CDIP1: variants seen among roughly 807,000 people sequenced by gnomAD.
CDIP1 encodes the protein cell death-inducing p53-target protein 1.
Under a neutral mutation model 17.7 loss-of-function variants are expected in CDIP1, and 9 were observed. That is an observed-to-expected ratio of 0.51 (90% CI 0.31 to 0.89). The LOEUF is 0.89. CDIP1 is among the 40% of genes least tolerant of loss of function. The pLI is 0.05. For synonymous variants in CDIP1, 117 were observed against 109.5 expected, an observed-to-expected ratio of 1.07 and a Z score of -0.43; for missense variants, 263 against 277.9, an observed-to-expected ratio of 0.95 and a Z score of 0.38.
chr16:4,520,913 G>C (rs1429127673), intron 1 of CDIP1, among the ~76,000 whole-genome samples: 4 of 152,180 alleles, frequency 2.6e-5, no homozygotes, highest in African/African-American at 9.7e-5. Context: ...AAGGCAGCTA[G>C]TTCGGCCCAC....
intron 1 of CDIP1, among the ~76,000 whole-genome samples, chr16:4,523,414 T>A (rs992332788): frequency 3.3e-5 from 5 of 151,964 alleles, no homozygotes. Context: ...CTTAGGAGGC[T>A]GAGGTAGGAG....
At chr16:4,519,975 A>G (rs561647258) in intron 1 of CDIP1, among the ~76,000 whole-genome samples, 14 of 152,352 alleles carry the variant, frequency 9.2e-5, no homozygotes, top group African/African-American at 3.1e-4. Context: ...CAGGTAATTT[A>G]TAGCAACACA....
intron 1 of CDIP1, among the ~76,000 whole-genome samples, chr16:4,521,656 A>G (rs1348065135): frequency 1.4e-5 from 2 of 142,628 alleles, no homozygotes; most frequent in Non-Finnish European, 3.1e-5. Context: ...TGAGCCCAGG[A>G]GTTCGAAACC....
At chr16:4,538,388 C>G (rs1258688740) in intron 1 of CDIP1, 1 of 152,342 alleles carries the variant, frequency 6.6e-6, no homozygotes, top group Non-Finnish European at 1.5e-5. Context: ...GGACAGGCGC[C>G]GGCAGAACAA....
chr16:4,519,405 C>G (rs1294066081), intron 1 of CDIP1, among the ~76,000 whole-genome samples: 1 of 147,838 alleles, frequency 6.8e-6, no homozygotes, highest in Non-Finnish European at 1.5e-5. Context: ...ATGACTGCCC[C>G]CCACTTCTGA....
At chr16:4,515,776 A>T (rs1008533277) in intron 1 of CDIP1, among the ~76,000 whole-genome samples, 1 of 152,150 alleles carries the variant, frequency 6.6e-6, no homozygotes, top group Non-Finnish European at 1.5e-5. Flanking sequence ...ATGTAGAAAA[A>T]CTGGAACCCT....
intron 1 of CDIP1, among the ~76,000 whole-genome samples, chr16:4,534,575 T>C (rs1306515297): frequency 6.6e-6 from 1 of 152,166 alleles, no homozygotes; most frequent in South Asian, 2.1e-4. Context: ...CAAGTCCCAC[T>C]GTGCTGCTAC....
chr16:4,516,541 C>CG (rs778159611), intron 1 of CDIP1, among the ~76,000 whole-genome samples: 7 of 151,934 alleles, frequency 4.6e-5, no homozygotes, highest in African/African-American at 9.7e-5. Context: ...TTTGTAGAGA[C>CG]GGGGGTCTCA....
chr16:4,525,268 G>C (rs990386964), intron 1 of CDIP1, among the ~76,000 whole-genome samples: 1 of 152,186 alleles, frequency 6.6e-6, no homozygotes, highest in Non-Finnish European at 1.5e-5. Context: ...GGGAAGGCTG[G>C]AGCAGATGCT....
chr16:4,530,669 A>G (rs1338579571), intron 1 of CDIP1, among the ~76,000 whole-genome samples: 1 of 151,802 alleles, frequency 6.6e-6, no homozygotes, highest in Non-Finnish European at 1.5e-5. Flanking sequence ...AACAAAAACA[A>G]AAAAAACAGA....
chr16:4,534,038 A>C (rs1219682797), intron 1 of CDIP1, among the ~76,000 whole-genome samples: 2 of 150,972 alleles, frequency 1.3e-5, no homozygotes, highest in Admixed American at 6.6e-5. Context: ...GCAACCCCCA[A>C]CTCCCGAGTT....
intron 1 of CDIP1, among the ~76,000 whole-genome samples, chr16:4,530,456 CCCGA>C (rs199803654): frequency 0.023 from 3,425 of 151,862 alleles, 59 homozygotes; most frequent in Non-Finnish European, 0.034. Flanking sequence ...TCGAAACCAG[CCCGA>C]CCAACATGGA....
chr16:4,520,743 T>C (rs770576608), intron 1 of CDIP1, among the ~76,000 whole-genome samples: 1 of 152,192 alleles, frequency 6.6e-6, no homozygotes, highest in Non-Finnish European at 1.5e-5. Flanking sequence ...CACTAACAAA[T>C]ATAGAAACAG....
rs767541693 is a variant in CDIP1, at chr16:4,513,004, G to T, written c.302C>A (p.Thr101Lys). Residue 101 changes from threonine (T) to lysine (K), a missense_variant, in exon 5 of 6, where the codon ACG becomes AAG. Coordinates refer to ENST00000567695, the MANE Select transcript of CDIP1 (RefSeq NM_013399.3). The surrounding 1 kb of genome is among the most constrained non-coding windows in gnomAD (Gnocchi z 4.1). ...CCCAGGGCCAGGGTAGGGCCCTGGC[G>T]TGTAGGGCCCTGGGGGGTAGTAGCC... is the stretch of plus-strand genomic sequence containing the variant. Reference protein sequence around the residue: ...PMGYYPPGPYTPGPYPGPGGH... With the variant: ...PMGYYPPGPYKPGPYPGPGGH... 1.3e-6 allele frequency: 2 copies of T among 1,590,014 alleles called. No homozygotes were observed. Among genetic ancestry groups the T allele is most frequent in the African/African-American group, 2.7e-5 (2 of 74,760 alleles).
chr16:4,519,966 A>G (rs2058928127), intron 1 of CDIP1, among the ~76,000 whole-genome samples: 1 of 152,184 alleles, frequency 6.6e-6, no homozygotes, highest in Non-Finnish European at 1.5e-5. Flanking sequence ...ACTCAGCCTC[A>G]GGTAATTTAT....
At position 4,514,097 on chromosome 16, in the gene CDIP1, C is replaced by A. The variant is rs1229832584; in HGVS notation, c.34G>T (p.Gly12Cys). 1 of 1,543,690 alleles carries A rather than the reference C, an allele frequency of 6.5e-7. No homozygotes were observed. The highest frequency in any genetic ancestry group is 2.4e-5 in the Admixed American group (1 of 41,882). The stretch of plus-strand genomic sequence containing the variant: ...TCTTCCAGAAGTGGGGCTGTGGGGC[C>A]CCCAGGATAAGGAGGGGGAGGCTCG... ...SSEPPPPYPG[G>C]PTAPLLEEKS... The change falls in exon 3 of 6, where the codon GGC becomes TGC. Residue 12 changes from glycine to cysteine, a missense_variant. By Grantham distance (159) the Gly-to-Cys change is radical. Transcript: ENST00000567695. The surrounding 1 kb of genome is among the most constrained non-coding windows in gnomAD (Gnocchi z 5.2).
chr16:4,536,014 T>C lies in CDIP1; in HGVS notation c.-105+2688A>G, dbSNP rs537028856. 2.6e-4 allele frequency among the ~76,000 whole-genome samples: 39 copies of C among 152,326 alleles called. 1 individual carries two copies. The South Asian group carries it at 7.9e-3, about 31-fold the overall frequency. On this transcript the variant is annotated intron_variant, in intron 1 of 5. Coordinates refer to ENST00000567695, the MANE Select transcript of CDIP1 (RefSeq NM_013399.3). ...GAACCTCCTGTCACCACTGCCGGCC[T>C]GGCTCTCTCTCTCCATCCTCCCCAT...
intron 1 of CDIP1, among the ~76,000 whole-genome samples, chr16:4,517,331 G>T (rs751564884): frequency 6.6e-5 from 10 of 152,298 alleles, no homozygotes; most frequent in African/African-American, 2.4e-4. Flanking sequence ...ATTATCCACA[G>T]AAGACATGGA....
At chr16:4,525,395 G>A (rs1016813580) in intron 1 of CDIP1, among the ~76,000 whole-genome samples, 2 of 152,180 alleles carry the variant, frequency 1.3e-5, no homozygotes, top group Admixed American at 6.5e-5. Flanking sequence ...GAGGAGCTGA[G>A]GAGGACGATG....
Sources: gnomAD v4.1 joint callset for allele counts (sites outside exome capture counted in the v4.1 genomes callset) on GRCh38, gnomAD v4.1.1 for gene constraint, Gnocchi (gnomAD v3.1) non-coding constraint, MANE v1.5 for transcripts, NCBI Gene and HGNC (gene_info 2026-07-23, HGNC 2026-07-21) for gene names.